ARPC5L: variants seen among roughly 807,000 people sequenced by gnomAD.
ARPC5L encodes actin related protein 2/3 complex subunit 5 like, also known as actin-related protein 2/3 complex subunit 5-like protein.
A neutral mutation model predicts 16.9 loss-of-function variants in ARPC5L; 4 were observed. The observed-to-expected ratio is 0.24, with a 90% confidence interval of 0.12 to 0.54. The LOEUF (loss-of-function observed/expected upper bound fraction) is 0.54. ARPC5L is among the 20% of genes least tolerant of loss of function. The pLI, the probability that ARPC5L is intolerant of heterozygous loss-of-function variation, is 0.95. For missense variants in ARPC5L, 151 were observed against 201.9 expected (o/e 0.75, Z 1.53); for synonymous variants, 78 against 82.6 (o/e 0.94, Z 0.30).
rs572936469 is a variant in ARPC5L at position 124,867,435 on chromosome 9, C to G, written c.-863-993C>G. 3.9e-5 allele frequency among the ~76,000 whole-genome samples: 6 copies of G among 152,232 alleles called. No individual in the cohort carries two copies. The South Asian group carries it at 1.0e-3, about 26-fold the overall frequency. ...GATTACAGGTGTGAGCCACTGCGCCCGGCCAGGACACCTCCTTTGATCACT... is the reference window on the plus strand; with the variant it reads ...GATTACAGGTGTGAGCCACTGCGCCGGGCCAGGACACCTCCTTTGATCACT... On this transcript the variant is annotated intron_variant, in intron 2 of 5. Transcript: ENST00000353214.
At chr9:124,874,707 TTCTCTC>T (rs35052557) in intron 4 of ARPC5L, among the ~76,000 whole-genome samples, 3 of 149,374 alleles carry the variant, frequency 2.0e-5, no homozygotes, top group African/African-American at 7.4e-5. Context: ...CTCTTTTCTC[TTCTCTC>T]TCTCTCTCTC....
chr9:124,869,018 G>T lies in ARPC5L; in HGVS notation c.-273G>T. On this transcript the variant is annotated 5_prime_UTR_variant, in exon 3 of 6. Transcript: ENST00000353214. ...GCCCGATCCTCAGTGACAAAATAGAGACTCCGTGGAAGGGACACTGAGGTG... is the reference window on the plus strand; with the variant it reads ...GCCCGATCCTCAGTGACAAAATAGATACTCCGTGGAAGGGACACTGAGGTG... The T allele has an allele frequency of 2.9e-6, 1 of 347,054 alleles. No homozygotes were observed. The highest frequency in any genetic ancestry group is 5.2e-6 in the Non-Finnish European group (1 of 193,990). 21.5% of individuals were successfully genotyped at this position (347,054 alleles called of 1,614,324 possible).
At chr9:124,867,708 G>C (rs963718014) in intron 2 of ARPC5L, among the ~76,000 whole-genome samples, 1 of 151,952 alleles carries the variant, frequency 6.6e-6, no homozygotes, top group Non-Finnish European at 1.5e-5. Context: ...CTGCTGTCTC[G>C]TGGCAGACCT....
At chr9:124,873,495 T>G (rs889634800) in intron 3 of ARPC5L, 197 bp from the exon 4 acceptor site, 2 of 614,666 alleles carry the variant, frequency 3.3e-6, no homozygotes, top group Non-Finnish European at 5.8e-6. Context: ...AAAGGAGGGT[T>G]TGCATGGTTG....
intron 2 of ARPC5L, among the ~76,000 whole-genome samples, chr9:124,867,361 G>A (rs192063321): frequency 2.1e-4 from 32 of 152,066 alleles, no homozygotes; most frequent in African/African-American, 7.5e-4. Context: ...GGCTGGTCTC[G>A]AATTCCTGAC....
rs758174380 is a variant in ARPC5L at position 124,870,560 on chromosome 9, CA to C, written c.149+1122del. On this transcript the variant is annotated intron_variant, in intron 3 of 5. Coordinates refer to ENST00000353214, the MANE Select transcript of ARPC5L (RefSeq NM_030978.3). ...AGTGTGCCTTTAAACCGAAAACCTT[CA>C]GACTTGATTTGAACAGGAATGTGTT... 5.4e-4 allele frequency among the ~76,000 whole-genome samples: 82 copies of C among 152,280 alleles called. No individual in the cohort carries two copies. In the Middle Eastern group the frequency reaches 0.017, roughly 32 times the overall value.
intron 1 of ARPC5L, among the ~76,000 whole-genome samples, chr9:124,863,454 C>A (rs1829232056): frequency 6.6e-6 from 1 of 152,168 alleles, no homozygotes; most frequent in African/African-American, 2.4e-5. Context: ...GCTAGTACAG[C>A]CTTTTTTAAA....
intron 5 of ARPC5L, among the ~76,000 whole-genome samples, chr9:124,876,266 G>C (rs1317737024): frequency 6.6e-6 from 1 of 152,070 alleles, no homozygotes; most frequent in East Asian, 1.9e-4. Context: ...GCAGGCGGAT[G>C]ACCTGAGGTC....
chr9:124,874,981 G>T lies in ARPC5L; in HGVS notation c.229G>T (p.Ala77Ser). 3 of 1,613,842 alleles carry T rather than the reference G, an allele frequency of 1.9e-6. No homozygotes were observed. The highest frequency in any genetic ancestry group is 2.5e-6 in the Non-Finnish European group (3 of 1,179,886). Residue 77 changes from alanine to serine, a missense_variant, in exon 5 of 6, where the codon GCC (alanine) becomes TCC (serine). Coordinates refer to ENST00000353214, the MANE Select transcript of ARPC5L (RefSeq NM_030978.3). ...NTKNQAVKER[A>S]QGVVLKVLTN... Reference sequence around the variant, plus strand: ...TGCTCTTTTTCGTCTGCAGGAGCGAGCCCAGGGCGTGGTGCTGAAAGTGCT... The same window carrying T: ...TGCTCTTTTTCGTCTGCAGGAGCGATCCCAGGGCGTGGTGCTGAAAGTGCT...
In ARPC5L at chr9:124,866,461, C is replaced by A. The variant is rs185733239; in HGVS notation, c.-863-1967C>A. Among the ~76,000 whole-genome samples the A allele has an allele frequency of 1.4e-4, 21 of 149,988 alleles. No homozygotes were observed. In the East Asian group the frequency reaches 4.0e-3, roughly 28 times the overall value. On this transcript the variant is annotated intron_variant, in intron 2 of 5. Coordinates refer to ENST00000353214, the MANE Select transcript of ARPC5L (RefSeq NM_030978.3). Reference sequence around the variant, plus strand: ...AATTGGTGGGGCACGGTGGCTCATGCCTGTAATCCCAGCACTTTGGGAGGC... The same window carrying A: ...AATTGGTGGGGCACGGTGGCTCATGACTGTAATCCCAGCACTTTGGGAGGC...
chr9:124,871,727 G>A (rs1302235149), intron 3 of ARPC5L, among the ~76,000 whole-genome samples: 3 of 152,140 alleles, frequency 2.0e-5, no homozygotes, highest in Admixed American at 6.5e-5. Context: ...TCAGGGCTCT[G>A]TCCAGAGCAG....
Position 124,868,683 on chromosome 9 carries a change from T to G in ARPC5L, c.-608T>G, listed in dbSNP as rs1829304647. 1.3e-5 allele frequency: 2 copies of G among 152,346 alleles called. No individual in the cohort carries two copies. The highest frequency in any genetic ancestry group is 2.9e-5 in the Non-Finnish European group (2 of 68,096). 9.4% of individuals were successfully genotyped at this position (152,346 alleles called of 1,614,324 possible). On this transcript the variant is annotated 5_prime_UTR_variant, in exon 3 of 6. Transcript: ENST00000353214. The stretch of plus-strand genomic sequence containing the variant: ...CCTCTGTGTACAGGCGGCCTCCTCG[T>G]ACTAAGTGTGGTGGCGTTCAAGGCT...
chr9:124,876,557 C>T (rs1394453519), intron 5 of ARPC5L, among the ~76,000 whole-genome samples: 1 of 152,196 alleles, frequency 6.6e-6, no homozygotes, highest in Non-Finnish European at 1.5e-5. Context: ...ATGGCTTCAA[C>T]CCAGGACATC....
chr9:124,868,241 TACTG>T (rs765878007), intron 2 of ARPC5L, among the ~76,000 whole-genome samples, 183 bp from the exon 3 acceptor site: 2 of 152,340 alleles, frequency 1.3e-5, no homozygotes, highest in African/African-American at 2.4e-5. Flanking sequence ...ACATTCCAAC[TACTG>T]ACTTTTATTA....
In ARPC5L at chr9:124,869,067, C is replaced by A; in HGVS notation, c.-224C>A. On this transcript the variant is annotated 5_prime_UTR_variant, in exon 3 of 6. Coordinates refer to ENST00000353214, the MANE Select transcript of ARPC5L (RefSeq NM_030978.3). The stretch of plus-strand genomic sequence containing the variant: ...TGGGGGAGGCTGCGGTGATCCCATA[C>A]CGCACTCCAGGTGCCAGGCTCCGCC... 4 of 421,614 alleles carry A rather than the reference C, an allele frequency of 9.5e-6. No individual in the cohort carries two copies. The highest frequency in any genetic ancestry group is 4.0e-5 in the East Asian group (1 of 25,246). 26.1% of individuals were successfully genotyped at this position (421,614 alleles called of 1,614,324 possible). A position where few individuals can be genotyped will look rare whatever the true frequency, so the allele number is the denominator to read the frequency against.
chr9:124,872,407 AAC>A (rs561257070), intron 3 of ARPC5L, among the ~76,000 whole-genome samples: 3 of 152,132 alleles, frequency 2.0e-5, no homozygotes, highest in Non-Finnish European at 2.9e-5. Context: ...CATCCTGGCT[AAC>A]ACAGTGAAAC....
chr9:124,871,507 A>G (rs1434343594), intron 3 of ARPC5L, among the ~76,000 whole-genome samples: 1 of 152,200 alleles, frequency 6.6e-6, no homozygotes, highest in Admixed American at 6.5e-5. Context: ...AGGGCCGTGT[A>G]GACAGCTTAG....
intron 2 of ARPC5L, among the ~76,000 whole-genome samples, chr9:124,864,749 C>T (rs1024904261): frequency 1.3e-5 from 2 of 152,020 alleles, no homozygotes; most frequent in African/African-American, 2.4e-5. Flanking sequence ...AGAGATCCGC[C>T]TGCCTCAGCC....
At chr9:124,870,976 G>C (rs1408312856) in intron 3 of ARPC5L, among the ~76,000 whole-genome samples, 1 of 152,242 alleles carries the variant, frequency 6.6e-6, no homozygotes, top group East Asian at 1.9e-4. Context: ...TTACCATGGA[G>C]AGTGCTCCAC....
Sources: gnomAD v4.1 joint callset for allele counts (sites outside exome capture counted in the v4.1 genomes callset) on GRCh38, gnomAD v4.1.1 for gene constraint, MANE v1.5 for transcripts, NCBI Gene and HGNC (gene_info 2026-07-23, HGNC 2026-07-21) for gene names.